Variants in KDM4C observed in about 807,000 individuals in gnomAD.
The protein encoded by KDM4C is lysine demethylase 4C, also known as lysine-specific demethylase 4C.
Under a neutral mutation model 129.3 loss-of-function variants are expected in KDM4C, and 81 were observed. The ratio of observed to expected loss-of-function variants is 0.63; its 90% CI spans 0.52 to 0.75. The LOEUF (loss-of-function observed/expected upper bound fraction) is 0.75, where lower values mean the gene tolerates loss of function less well. KDM4C is among the 30% of genes least tolerant of loss of function. The pLI, the probability that KDM4C is intolerant of heterozygous loss-of-function variation, is 0.00. For missense variants in KDM4C, 1,457 were observed against 1,304.0 expected (o/e 1.12, Z -1.81); for synonymous variants, 573 against 456.1 (o/e 1.26, Z -3.26).
At chr9:6,985,499 T>C (rs73639447) in intron 10 of KDM4C, among the ~76,000 whole-genome samples, 9,560 of 152,294 alleles carry the variant, frequency 0.063, 445 homozygotes, top group East Asian at 0.26. Flanking sequence ...GTTGCTGGTT[T>C]ACCAAGGAAG....
chr9:6,960,983 G>A (rs536306409), intron 8 of KDM4C, among the ~76,000 whole-genome samples: 8 of 152,224 alleles, frequency 5.3e-5, no homozygotes, highest in Admixed American at 6.5e-5. Context: ...ACTTATGAGC[G>A]ACATGGGGTT....
At chr9:6,963,255 C>T (rs143924986) in intron 8 of KDM4C, among the ~76,000 whole-genome samples, 1 of 152,128 alleles carries the variant, frequency 6.6e-6, no homozygotes, top group African/African-American at 2.4e-5. Flanking sequence ...AAATACTAGA[C>T]AAATGCTTTT....
intron 15 of KDM4C, among the ~76,000 whole-genome samples, chr9:7,016,861 A>G (rs1823791423): frequency 6.6e-6 from 1 of 152,110 alleles, no homozygotes; most frequent in African/African-American, 2.4e-5. Flanking sequence ...GCAATACTTG[A>G]AAATAAGTAT....
intron 15 of KDM4C, among the ~76,000 whole-genome samples, chr9:7,024,472 A>G (rs185032024): frequency 2.6e-5 from 4 of 151,754 alleles, no homozygotes; most frequent in Admixed American, 1.3e-4. Flanking sequence ...ACCTAATGCT[A>G]TCCCTCCCCC....
At chr9:7,098,943 T>G (rs1836768626) in intron 17 of KDM4C, among the ~76,000 whole-genome samples, 1 of 150,464 alleles carries the variant, frequency 6.6e-6, no homozygotes, top group Admixed American at 6.6e-5. Flanking sequence ...TTTAAGGACT[T>G]GGAGCAAACT....
At chr9:7,076,292 C>G in intron 17 of KDM4C, 1 of 577,138 alleles carries the variant, frequency 1.7e-6, no homozygotes, top group East Asian at 3.0e-5. Context: ...AAATGGTAAA[C>G]AGTTTATTCA....
At chr9:6,923,229 AT>A (rs58932705) in intron 8 of KDM4C, among the ~76,000 whole-genome samples, 44,354 of 148,278 alleles carry the variant, frequency 0.3, 6,650 homozygotes, top group South Asian at 0.4. Flanking sequence ...AATCAGACAG[AT>A]TTTTTTTTTT....
In KDM4C at chr9:7,117,062, TGA is replaced by T. The variant is rs546568372; in HGVS notation, c.2611-11003_2611-11002del. Among the ~76,000 whole-genome samples the T allele has an allele frequency of 3.7e-3, 558 of 152,342 alleles. 4 individuals carry two copies. The highest frequency in any genetic ancestry group is 0.013 in the African/African-American group (525 of 41,588). On this transcript the variant is annotated intron_variant, in intron 18 of 21. Transcript: ENST00000381309. ...GGTACATATTATGATTATACCCATG[TGA>T]CAGGTTATGAAATTGAATTTCAGAG...
chr9:7,069,029 T>C (rs933086303), intron 17 of KDM4C, among the ~76,000 whole-genome samples: 35 of 152,206 alleles, frequency 2.3e-4, no homozygotes, highest in African/African-American at 8.4e-4. Context: ...GAACCTTTCT[T>C]CTCACTCTAC....
chr9:6,793,959 C>G (rs1358135035), intron 2 of KDM4C, among the ~76,000 whole-genome samples: 1 of 152,152 alleles, frequency 6.6e-6, no homozygotes, highest in Non-Finnish European at 1.5e-5. Flanking sequence ...ATTGTGCAAT[C>G]ATTACCGCTA....
intron 15 of KDM4C, among the ~76,000 whole-genome samples, chr9:7,030,225 C>T (rs1826493807): frequency 6.6e-6 from 1 of 152,060 alleles, no homozygotes; most frequent in African/African-American, 2.4e-5. Flanking sequence ...TTTACTTACT[C>T]ATTGCATTTT....
chr9:7,058,170 C>T (rs1239574430), intron 17 of KDM4C, among the ~76,000 whole-genome samples: 1 of 152,180 alleles, frequency 6.6e-6, no homozygotes, highest in Non-Finnish European at 1.5e-5. Flanking sequence ...AGAGTTCAGT[C>T]TCTGCTATGG....
intron 1 of KDM4C, 141 bp from the exon 2 acceptor site, chr9:6,792,831 G>C: frequency 1.2e-6 from 1 of 816,232 alleles, no homozygotes; most frequent in Non-Finnish European, 2.0e-6. Flanking sequence ...AGATGAGGGA[G>C]TCTCCCTGAG....
rs539065895 is a variant in KDM4C at position 6,865,252 on chromosome 9, A to C, written c.630-14760A>C. Reference sequence around the variant, plus strand: ...CTCGATCTCCTGACCTCGTGATCCGACCGCCTTGGCCTCCCAAAGTTTTGG... The same window carrying C: ...CTCGATCTCCTGACCTCGTGATCCGCCCGCCTTGGCCTCCCAAAGTTTTGG... On this transcript the variant is annotated intron_variant, in intron 5 of 21. Coordinates refer to ENST00000381309, the MANE Select transcript of KDM4C (RefSeq NM_015061.6). Among the ~76,000 whole-genome samples the C allele has an allele frequency of 7.8e-4, 119 of 151,992 alleles. 1 individual carries two copies. The highest frequency in any genetic ancestry group is 3.4e-3 in the Middle Eastern group (1 of 292).
chr9:6,937,072 G>C (rs1198145599), intron 8 of KDM4C, among the ~76,000 whole-genome samples: 4 of 152,110 alleles, frequency 2.6e-5, no homozygotes, highest in Non-Finnish European at 5.9e-5. Flanking sequence ...GAAATGACAA[G>C]AAAGGAAACA....
At chr9:7,074,880 G>T (rs1041058477) in intron 17 of KDM4C, among the ~76,000 whole-genome samples, 2 of 152,130 alleles carry the variant, frequency 1.3e-5, no homozygotes, top group Admixed American at 1.3e-4. Context: ...ACATGAAAAG[G>T]TATGTATTCT....
At chr9:6,745,057 G>A (rs1306043052) in intron 1 of KDM4C, among the ~76,000 whole-genome samples, 1 of 152,110 alleles carries the variant, frequency 6.6e-6, no homozygotes, top group Non-Finnish European at 1.5e-5. Context: ...CCCAGACCTT[G>A]GGTGGTGGCA....
chr9:7,116,633 C>G (rs1172786038), intron 18 of KDM4C, among the ~76,000 whole-genome samples: 1 of 152,190 alleles, frequency 6.6e-6, no homozygotes, highest in Non-Finnish European at 1.5e-5. Context: ...TAATACTGGA[C>G]TTTAAACAGT....
chr9:7,117,174 A>G (rs1838994352), intron 18 of KDM4C, among the ~76,000 whole-genome samples: 1 of 152,124 alleles, frequency 6.6e-6, no homozygotes, highest in African/African-American at 2.4e-5. Flanking sequence ...GTGCTGTTTT[A>G]GTAGTCATTT....
Sources: allele counts gnomAD v4.1 joint callset (sites outside exome capture counted in the v4.1 genomes callset), GRCh38; gene constraint gnomAD v4.1.1; transcripts MANE v1.5; gene names NCBI Gene and HGNC (gene_info 2026-07-23, HGNC 2026-07-21).